ACTL8: variants seen among roughly 807,000 people sequenced by gnomAD.
The protein encoded by ACTL8 is actin-like protein 8.
ACTL8 carries 3 observed loss-of-function variants against 9.3 expected under a neutral mutation model. That is an observed-to-expected ratio of 0.32 (90% CI 0.15 to 0.83). The LOEUF (loss-of-function observed/expected upper bound fraction) is 0.83, where lower values mean the gene tolerates loss of function less well. ACTL8 is among the 40% of genes least tolerant of loss of function. The probability of loss-of-function intolerance (pLI) is 0.57; values close to 1 mark genes in which losing one functional copy is unlikely to be tolerated. For synonymous variants in ACTL8, 224 were observed against 205.9 expected (o/e 1.09, Z -0.75); for missense variants, 381 against 492.2 (o/e 0.77, Z 2.14).
intron 1 of ACTL8, among the ~76,000 whole-genome samples, chr1:17,763,761 T>C (rs1191695367): frequency 6.6e-6 from 1 of 152,070 alleles, no homozygotes; most frequent in Non-Finnish European, 1.5e-5. Flanking sequence ...CCCCATTCCC[T>C]CCCCCTGCAG....
At chr1:17,795,450 A>G (rs2066270084) in intron 1 of ACTL8, among the ~76,000 whole-genome samples, 1 of 152,266 alleles carries the variant, frequency 6.6e-6, no homozygotes, top group African/African-American at 2.4e-5. Flanking sequence ...ATAAGAATGT[A>G]GTAAAATATA....
In ACTL8 at chr1:17,812,522, CG is replaced by C. The variant is rs1314390728; in HGVS notation, c.-24-10460del. Among the ~76,000 whole-genome samples, 13 of 151,106 alleles carry C rather than the reference CG, an allele frequency of 8.6e-5. 1 individual carries two copies. Among genetic ancestry groups the C allele is most frequent in the African/African-American group, 2.7e-4 (11 of 41,174 alleles). The stretch of plus-strand genomic sequence containing the variant: ...TCAGCTCACTGCAACCTCCGCCTCC[CG>C]GGCTCAAGCAATTCTCCTGCCTCAG... On this transcript the variant is annotated intron_variant, in intron 1 of 2. Transcript: ENST00000375406.
chr1:17,815,483 C>G (rs1055600959), intron 1 of ACTL8, among the ~76,000 whole-genome samples: 1 of 152,022 alleles, frequency 6.6e-6, no homozygotes, highest in Non-Finnish European at 1.5e-5. Context: ...GTCTTCTGGA[C>G]TCCATTTTTT....
intron 1 of ACTL8, among the ~76,000 whole-genome samples, chr1:17,819,109 C>G (rs896853794): frequency 6.6e-6 from 1 of 152,236 alleles, no homozygotes; most frequent in Non-Finnish European, 1.5e-5. Context: ...AGTCCTTTTC[C>G]ATCCCCTACC....
chr1:17,813,424 G>A (rs998617046), intron 1 of ACTL8, among the ~76,000 whole-genome samples: 1 of 152,000 alleles, frequency 6.6e-6, no homozygotes, highest in Non-Finnish European at 1.5e-5. Context: ...TCTGTTACTC[G>A]TTTGAATCAT....
chr1:17,803,308 C>T (rs963876426), intron 1 of ACTL8, among the ~76,000 whole-genome samples: 4 of 152,156 alleles, frequency 2.6e-5, no homozygotes, highest in Admixed American at 6.5e-5. Context: ...CCCAGCCATG[C>T]GGAAATGTGA....
intron 1 of ACTL8, among the ~76,000 whole-genome samples, chr1:17,786,431 A>G (rs142472008): frequency 2.5e-4 from 38 of 152,354 alleles, no homozygotes; most frequent in African/African-American, 8.2e-4. Flanking sequence ...AGCAGATACA[A>G]TGCATTTTGA....
At position 17,826,072 on chromosome 1, in the gene ACTL8, G is replaced by A. The variant is rs201229770; in HGVS notation, c.654G>A (p.Leu218=). The change falls in exon 3 of 3, where the codon CTG becomes CTA. Residue 218 remains leucine (L), a synonymous_variant. Coordinates refer to ENST00000375406, the MANE Select transcript of ACTL8 (RefSeq NM_030812.3). This position sits in a 1 kb window ranked among gnomAD's most constrained non-coding sequence, Gnocchi z 4.5. ...ACAAGTGCTACGTGCCGCAGAATCT[G>A]GGGGAGGCCCTGGACTTTCGTGAGA... ...QMNKCYVPQN[L]GEALDFRERQ... 1.5e-4 allele frequency: 241 copies of A among 1,607,578 alleles called. No homozygotes were observed. The highest frequency in any genetic ancestry group is 1.9e-4 in the Non-Finnish European group (230 of 1,179,956).
chr1:17,794,698 A>C (rs571385547), intron 1 of ACTL8, among the ~76,000 whole-genome samples: 24 of 152,306 alleles, frequency 1.6e-4, no homozygotes, highest in African/African-American at 5.8e-4. Context: ...TTAACATTTT[A>C]AATTTCTGTA....
In ACTL8 at chr1:17,826,519, A is replaced by C; in HGVS notation, c.1101A>C (p.Ter367CysextTer30). 6.5e-7 allele frequency: 1 copy of C among 1,546,502 alleles called. No homozygotes were observed. Among genetic ancestry groups the C allele is most frequent in the Non-Finnish European group, 8.8e-7 (1 of 1,141,376 alleles). Residue 367 changes from the stop codon to cysteine (C), a stop_lost, in exon 3 of 3, where the codon TGA becomes TGC. Coordinates refer to ENST00000375406, the MANE Select transcript of ACTL8 (RefSeq NM_030812.3). The surrounding 1 kb of genome is among the most constrained non-coding windows in gnomAD (Gnocchi z 4.5). ...AGTATGGTGAGCATATGAGGATGTG[A>C]CCCTACTGGCTCACTCCTGAGAATG... ...REEYGEHMRM[*>C] is the part of the protein sequence containing the mutation.
chr1:17,773,321 G>A (rs191681287), intron 1 of ACTL8, among the ~76,000 whole-genome samples: 1 of 152,178 alleles, frequency 6.6e-6, no homozygotes, highest in East Asian at 1.9e-4. Context: ...CTCACCGATC[G>A]CTGTGCCTTG....
chr1:17,817,515 T>C (rs2066434193), intron 1 of ACTL8, among the ~76,000 whole-genome samples: 1 of 152,080 alleles, frequency 6.6e-6, no homozygotes, highest in African/African-American at 2.4e-5. Flanking sequence ...CTTTCTCTGC[T>C]CGGTCCCGGG....
Position 17,823,242 on chromosome 1 carries a change from G to A in ACTL8, c.234G>A (p.Val78=). The stretch of plus-strand genomic sequence containing the variant: ...GCCGCATCCTCAACTGGGAGGGTGT[G>A]CAGTACCTCTGGTCATTTGTGTTGG... ...ERGRILNWEG[V]QYLWSFVLEN... The change falls in exon 2 of 3, where the codon GTG becomes GTA. Residue 78 remains valine (V), a synonymous_variant. Coordinates refer to ENST00000375406, the MANE Select transcript of ACTL8 (RefSeq NM_030812.3). This position sits in a 1 kb window ranked among gnomAD's most constrained non-coding sequence, Gnocchi z 5.3. 6.2e-7 allele frequency: 1 copy of A among 1,614,176 alleles called. No homozygotes were observed. The highest frequency in any genetic ancestry group is 8.5e-7 in the Non-Finnish European group (1 of 1,180,028).
rs143991441 is a variant in ACTL8 at position 17,766,576 on chromosome 1, C to G, written c.-25+11072C>G. 2.6e-3 allele frequency among the ~76,000 whole-genome samples: 390 copies of G among 152,270 alleles called. 1 individual carries two copies. The highest frequency in any genetic ancestry group is 9.1e-3 in the African/African-American group (376 of 41,534). ...GCGCTGACAGCCTGTCAGGCACCGT[C>G]CTAATTGACTTGCCATGTGTTAATG... On this transcript the variant is annotated intron_variant, in intron 1 of 2. Transcript: ENST00000375406.
At chr1:17,763,029 C>T (rs965753475) in intron 1 of ACTL8, among the ~76,000 whole-genome samples, 5 of 152,198 alleles carry the variant, frequency 3.3e-5, no homozygotes, top group South Asian at 4.1e-4. Context: ...CTTACCTTGC[C>T]GTGGCAAGTT....
At chr1:17,765,992 G>A (rs1382521757) in intron 1 of ACTL8, among the ~76,000 whole-genome samples, 2 of 152,224 alleles carry the variant, frequency 1.3e-5, no homozygotes, top group South Asian at 2.1e-4. Context: ...CCCTCCTGCA[G>A]AGTAATTACT....
chr1:17,805,426 C>CCCAG (rs1401907689), intron 1 of ACTL8, among the ~76,000 whole-genome samples: 2 of 133,214 alleles, frequency 1.5e-5, no homozygotes, highest in African/African-American at 5.8e-5. Flanking sequence ...CCCTCTGTCA[C>CCCAG]CCAGGCTGGA....
At chr1:17,812,862 T>A (rs2066402437) in intron 1 of ACTL8, among the ~76,000 whole-genome samples, 9 of 152,228 alleles carry the variant, frequency 5.9e-5, no homozygotes, top group Admixed American at 5.9e-4. Context: ...TTTAATGTTT[T>A]GTTAGATTTA....
At chr1:17,768,267 A>G (rs1325844190) in intron 1 of ACTL8, among the ~76,000 whole-genome samples, 2 of 86,404 alleles carry the variant, frequency 2.3e-5, no homozygotes, top group African/African-American at 6.1e-5. Context: ...CAGCTTGAGA[A>G]TTTTGCAAGA....
Sources: allele counts gnomAD v4.1 joint callset (sites outside exome capture counted in the v4.1 genomes callset), GRCh38; gene constraint gnomAD v4.1.1; non-coding constraint Gnocchi (gnomAD v3.1); transcripts MANE v1.5; gene names NCBI Gene and HGNC (gene_info 2026-07-23, HGNC 2026-07-21).